The following SPATA16 variants were observed in gnomAD, a reference collection of about 807,000 sequenced individuals.
SPATA16 encodes the protein spermatogenesis associated 16.
A neutral mutation model predicts 63.3 loss-of-function variants in SPATA16; 36 were observed. That is an observed-to-expected ratio of 0.57 (90% confidence interval 0.44 to 0.75). The LOEUF (loss-of-function observed/expected upper bound fraction) is 0.75. SPATA16 is among the 30% of genes least tolerant of loss of function. The probability of loss-of-function intolerance (pLI) is 0.00; values close to 1 mark genes in which losing one functional copy is unlikely to be tolerated. For synonymous variants in SPATA16, 203 were observed against 216.7 expected (o/e 0.94, Z 0.56); for missense variants, 646 against 679.3 (o/e 0.95, Z 0.54).
At chr3:173,124,965 TC>T (rs1025195388) in intron 1 of SPATA16, among the ~76,000 whole-genome samples, 9 of 152,114 alleles carry the variant, frequency 5.9e-5, no homozygotes, top group Admixed American at 4.6e-4. Context: ...AGTCCTTATA[TC>T]CTCCTAAAAC....
At chr3:172,965,669 G>A (rs9814036) in intron 5 of SPATA16, among the ~76,000 whole-genome samples, 5,742 of 151,418 alleles carry the variant, frequency 0.038, 370 homozygotes, top group African/African-American at 0.13. Flanking sequence ...GTCTCGCTCT[G>A]TCACCAGGCT....
intron 4 of SPATA16, among the ~76,000 whole-genome samples, chr3:172,977,477 T>C (rs753593284): frequency 1.2e-4 from 19 of 152,122 alleles, no homozygotes; most frequent in Admixed American, 3.9e-4. Context: ...TCTCAGACTT[T>C]ACCTGAGTTA....
rs757584697 is a variant in SPATA16, at chr3:173,117,581, A to G, written c.151T>C (p.Cys51Arg). 9.3e-6 allele frequency: 15 copies of G among 1,613,402 alleles called. No individual in the cohort carries two copies. Among genetic ancestry groups the G allele is most frequent in the Non-Finnish European group, 1.0e-5 (12 of 1,179,780 alleles). The change falls in exon 2 of 11, where the codon TGT (cysteine) becomes CGT (arginine). Residue 51 changes from cysteine to arginine, a missense_variant. Physicochemically the swap from Cys to Arg is radical, Grantham distance 180 (BLOSUM62 -3). Transcript: ENST00000351008. ...LEMSQEIKKN[C>R]GGKQVEITLE... Reference sequence around the variant, plus strand: ...GTGATTTCTACCTGTTTACCTCCACAGTTTTTCTTAATCTCTTGTGACATT... The same window carrying G: ...GTGATTTCTACCTGTTTACCTCCACGGTTTTTCTTAATCTCTTGTGACATT...
chr3:172,913,747 G>A lies in SPATA16; in HGVS notation c.1504-3C>T. ...GCATCTGCCATTAGTGACTGCAGCT[G>A]TGGCACCAAGATAAAAATTATCAGT... On this transcript the variant is annotated splice_polypyrimidine_tract_variant and splice_region_variant and intron_variant, in intron 9 of 10. Coordinates refer to ENST00000351008, the MANE Select transcript of SPATA16 (RefSeq NM_031955.6). 1 of 1,612,618 alleles carries A rather than the reference G, an allele frequency of 6.2e-7. No homozygotes were observed. The highest frequency in any genetic ancestry group is 8.5e-7 in the Non-Finnish European group (1 of 1,178,922).
chr3:173,056,468 C>T (rs751838416), intron 2 of SPATA16, among the ~76,000 whole-genome samples: 30 of 151,976 alleles, frequency 2.0e-4, no homozygotes, highest in East Asian at 5.8e-4. Flanking sequence ...TTTGGGAGGC[C>T]GAGGCGGGTG....
At chr3:172,915,245 CT>C (rs1225859773) in intron 9 of SPATA16, among the ~76,000 whole-genome samples, 1 of 152,084 alleles carries the variant, frequency 6.6e-6, no homozygotes, top group Non-Finnish European at 1.5e-5. Context: ...TAGTTTTCAT[CT>C]TTAGTATGCA....
At chr3:172,987,540 A>G (rs764847207) in intron 4 of SPATA16, among the ~76,000 whole-genome samples, 40 of 152,246 alleles carry the variant, frequency 2.6e-4, no homozygotes, top group Admixed American at 7.9e-4. Flanking sequence ...AATCTTGAAC[A>G]TGGATCCTGA....
intron 6 of SPATA16, among the ~76,000 whole-genome samples, chr3:172,943,146 C>T (rs1017491805): frequency 6.6e-6 from 1 of 151,648 alleles, no homozygotes; most frequent in Non-Finnish European, 1.5e-5. Flanking sequence ...CAAAACAGGA[C>T]ATAAAAGAAA....
intron 3 of SPATA16, among the ~76,000 whole-genome samples, chr3:173,032,199 CAATT>C (rs563300113): frequency 1.3e-3 from 194 of 152,124 alleles, no homozygotes; most frequent in African/African-American, 4.4e-3. Context: ...CCCAAAATTA[CAATT>C]AATTCTGCAA....
intron 3 of SPATA16, among the ~76,000 whole-genome samples, chr3:173,032,788 A>G (rs1176518052): frequency 6.6e-6 from 1 of 152,124 alleles, no homozygotes; most frequent in Non-Finnish European, 1.5e-5. Flanking sequence ...CTTCTCCATA[A>G]TGGGAAGTAA....
At chr3:173,064,819 G>A (rs1408788636) in intron 2 of SPATA16, among the ~76,000 whole-genome samples, 4 of 152,190 alleles carry the variant, frequency 2.6e-5, no homozygotes, top group Non-Finnish European at 5.9e-5. Context: ...CCAGAGTGTA[G>A]ATACAGAATG....
At chr3:173,114,809 A>G (rs1347728607) in intron 2 of SPATA16, among the ~76,000 whole-genome samples, 2 of 152,226 alleles carry the variant, frequency 1.3e-5, no homozygotes, top group African/African-American at 4.8e-5. Flanking sequence ...GAGAGCACTC[A>G]GTATTAATAA....
At chr3:172,894,109 T>C (rs10451925) in intron 10 of SPATA16, among the ~76,000 whole-genome samples, 91,505 of 151,920 alleles carry the variant, frequency 0.6, 28,399 homozygotes, top group South Asian at 0.78. Flanking sequence ...ATCCTCTCGG[T>C]AAAACAGACA....
chr3:173,081,868 A>G lies in SPATA16; in HGVS notation c.613-32774T>C, dbSNP rs79860292. On this transcript the variant is annotated intron_variant, in intron 2 of 10. Coordinates refer to ENST00000351008, the MANE Select transcript of SPATA16 (RefSeq NM_031955.6). ...AAGTATGATGTCAGGATTTAGCTTC[A>G]TACAGATATCATTTATTATGGTAAT... 2.8e-3 allele frequency among the ~76,000 whole-genome samples: 421 copies of G among 152,356 alleles called. 12 individuals carry two copies. In the East Asian group the frequency reaches 0.073, roughly 26 times the overall value.
At chr3:172,920,276 T>C (rs1732589827) in intron 8 of SPATA16, among the ~76,000 whole-genome samples, 1 of 152,182 alleles carries the variant, frequency 6.6e-6, no homozygotes, top group Non-Finnish European at 1.5e-5. Context: ...GAGGGAAAAA[T>C]GCTTTTTAAA....
At chr3:173,019,789 A>C (rs1735278778) in intron 3 of SPATA16, among the ~76,000 whole-genome samples, 1 of 152,298 alleles carries the variant, frequency 6.6e-6, no homozygotes, top group Non-Finnish European at 1.5e-5. Flanking sequence ...TTATCAAAGA[A>C]ATTTTATTTA....
In SPATA16 at chr3:172,889,676, T is replaced by C. The variant is rs1731854737; in HGVS notation, c.1604A>G (p.Asp535Gly). The C allele has an allele frequency of 1.9e-6, 3 of 1,613,220 alleles. No individual in the cohort carries two copies. The highest frequency in any genetic ancestry group is 2.5e-6 in the Non-Finnish European group (3 of 1,179,794). The change falls in exon 11 of 11, where the codon GAT becomes GGT. Residue 535 changes from aspartate (D) to glycine (G), a missense_variant. By Grantham distance (94) the Asp-to-Gly change is moderately conservative. Transcript: ENST00000351008. ...NMIQKVGQIE[D>G]FLYQLEDSFL... is the part of the protein sequence containing the mutation. ...ACTGTCCTCTAATTGGTATAGAAAA[T>C]CTTCAATTTGTCCAACCTAGAAGAA...
At chr3:172,928,786 G>C (rs551858061) in intron 6 of SPATA16, among the ~76,000 whole-genome samples, 3 of 152,192 alleles carry the variant, frequency 2.0e-5, no homozygotes, top group Non-Finnish European at 4.4e-5. Context: ...TTAACTTCCA[G>C]TTGAAGTTTT....
intron 3 of SPATA16, among the ~76,000 whole-genome samples, chr3:173,038,857 T>C (rs1281918635): frequency 6.6e-6 from 1 of 152,176 alleles, no homozygotes; most frequent in Non-Finnish European, 1.5e-5. Flanking sequence ...TTCACATCTG[T>C]AATATCATTT....
Sources: allele counts gnomAD v4.1 joint callset (sites outside exome capture counted in the v4.1 genomes callset), GRCh38; gene constraint gnomAD v4.1.1; transcripts MANE v1.5; gene names NCBI Gene and HGNC (gene_info 2026-07-23, HGNC 2026-07-21).